BACE2: variants seen among roughly 807,000 people sequenced by gnomAD.
BACE2 encodes 56 kDa aspartic-like protease.
In BACE2, 17 loss-of-function variants were observed where a neutral mutation model predicts 46.2. The observed-to-expected ratio is 0.37, with a 90% confidence interval of 0.25 to 0.55. The LOEUF (loss-of-function observed/expected upper bound fraction) is 0.55. BACE2 is among the 20% of genes least tolerant of loss of function. BACE2 has a pLI of 0.82. For synonymous variants in BACE2, 277 were observed against 295.9 expected (o/e 0.94, Z 0.66); for missense variants, 595 against 698.1 (o/e 0.85, Z 1.66).
intron 1 of BACE2, chr21:41,182,782 A>G (rs942549313): frequency 2.4e-5 from 4 of 167,106 alleles, no homozygotes; most frequent in Non-Finnish European, 4.4e-5. Flanking sequence ...TCTTTCTTAA[A>G]GTTATTTTAC....
intron 3 of BACE2, among the ~76,000 whole-genome samples, chr21:41,241,310 G>T (rs1238233368): frequency 6.6e-6 from 1 of 152,124 alleles, no homozygotes; most frequent in Non-Finnish European, 1.5e-5. Context: ...AGTTCATCTG[G>T]CAGAGCTAAG....
chr21:41,226,389 G>A lies in BACE2; in HGVS notation c.401+35G>A, dbSNP rs138335729. On this transcript the variant is annotated intron_variant, in intron 2 of 8. Coordinates refer to ENST00000330333, the MANE Select transcript of BACE2 (RefSeq NM_012105.5). ...GGCCCCTTGGCTGGTGTGCTGGGCC[G>A]GGGCACTGCATGATCAACATGCTTC... 3,406 of 1,562,784 alleles carry A rather than the reference G, an allele frequency of 2.2e-3. 7 individuals carry two copies. The highest frequency in any genetic ancestry group is 2.6e-3 in the Non-Finnish European group (2,961 of 1,142,706).
intron 6 of BACE2, among the ~76,000 whole-genome samples, chr21:41,249,405 G>A (rs561892437): frequency 1.3e-5 from 2 of 151,744 alleles, no homozygotes; most frequent in Non-Finnish European, 2.9e-5. Flanking sequence ...GGGGACTCAG[G>A]ATTAGTGAGC....
chr21:41,179,437 CGTGTCCAGGGTGAGTGAGG>C, intron 1 of BACE2: 1 of 1,252,778 alleles, frequency 8.0e-7, no homozygotes, highest in Non-Finnish European at 1.0e-6. Context: ...GGTGAGTGAA[CGTGTCCAGGGTGAGTGAGG>C]GTGTCCAGGG....
intron 1 of BACE2, among the ~76,000 whole-genome samples, chr21:41,203,787 G>C (rs1367059430): frequency 6.6e-6 from 1 of 152,170 alleles, no homozygotes; most frequent in Non-Finnish European, 1.5e-5. Context: ...GCCCCAAGGA[G>C]GAGGAGCCTG....
chr21:41,250,825 C>G lies in BACE2; in HGVS notation c.1058C>G (p.Ser353Cys), dbSNP rs748444272. The G allele has an allele frequency of 6.2e-7, 1 of 1,614,176 alleles. No homozygotes were observed. The highest frequency in any genetic ancestry group is 8.5e-7 in the Non-Finnish European group (1 of 1,180,008). ...ACWTNSETPW[S>C]YFPKISIYLR... ...TGGACGAATTCGGAAACACCTTGGT[C>G]TTACTTCCCTAAAATCTCCATCTAC... The change falls in exon 7 of 9, where the codon TCT becomes TGT. Residue 353 changes from serine (S) to cysteine (C), a missense_variant. Ser to Cys is a moderately radical substitution (Grantham distance 112, BLOSUM62 -1). This residue lies in a region of BACE2 where 343 missense variants were observed against 419.4 expected (regional missense o/e 0.82). Coordinates refer to ENST00000330333, the MANE Select transcript of BACE2 (RefSeq NM_012105.5).
chr21:41,222,020 G>C (rs1255092178), intron 1 of BACE2, among the ~76,000 whole-genome samples: 1 of 152,144 alleles, frequency 6.6e-6, no homozygotes, highest in Non-Finnish European at 1.5e-5. Context: ...CCAGGCAGTG[G>C]CTGAGTTGGT....
chr21:41,194,987 T>C (rs1021878889), intron 1 of BACE2, among the ~76,000 whole-genome samples: 3 of 152,192 alleles, frequency 2.0e-5, no homozygotes, highest in African/African-American at 7.2e-5. Flanking sequence ...TAGACTCTGG[T>C]CGTCAGGAAC....
chr21:41,242,974 A>T (rs566801771), intron 4 of BACE2, among the ~76,000 whole-genome samples: 2 of 152,024 alleles, frequency 1.3e-5, no homozygotes, highest in East Asian at 3.9e-4. Context: ...GAGTGCAGTG[A>T]CGCGATCTCA....
intron 2 of BACE2, among the ~76,000 whole-genome samples, chr21:41,228,248 G>T (rs1986875767): frequency 6.6e-6 from 1 of 152,188 alleles, no homozygotes; most frequent in Non-Finnish European, 1.5e-5. Flanking sequence ...TGGCTCCGTG[G>T]TGCTGGTAGA....
intron 3 of BACE2, among the ~76,000 whole-genome samples, chr21:41,239,820 C>T (rs578247920): frequency 1.1e-4 from 16 of 152,254 alleles, no homozygotes; most frequent in South Asian, 2.1e-4. Context: ...TAATTGCAGA[C>T]GCATGAAAAC....
chr21:41,281,691 G>GA lies in BACE2; in HGVS notation c.*6074dup, dbSNP rs1178882674. 4.6e-5 allele frequency: 7 copies of GA among 152,156 alleles called. No individual in the cohort carries two copies. The highest frequency in any genetic ancestry group is 1.7e-4 in the African/African-American group (7 of 41,520). 9.4% of individuals were successfully genotyped at this position (152,156 alleles called of 1,614,324 possible). A position where few individuals can be genotyped will look rare whatever the true frequency, so the allele number is the denominator to read the frequency against. On this transcript the variant is annotated 3_prime_UTR_variant, in exon 9 of 9. Coordinates refer to ENST00000330333, the MANE Select transcript of BACE2 (RefSeq NM_012105.5). ...AAGATTATCTCTTTTTAAGATGGAGGAAAAAAAGTGAACAAAGCTAATTAA... is the reference window on the plus strand; with the variant it reads ...AAGATTATCTCTTTTTAAGATGGAGGAAAAAAAAGTGAACAAAGCTAATTAA...
At chr21:41,247,310 C>A (rs545884651) in intron 6 of BACE2, among the ~76,000 whole-genome samples, 1 of 152,198 alleles carries the variant, frequency 6.6e-6, no homozygotes, top group South Asian at 2.1e-4. Flanking sequence ...GGGCTCTTTT[C>A]GAAGCAGCAG....
chr21:41,187,562 A>G (rs143558211), intron 1 of BACE2, among the ~76,000 whole-genome samples: 73 of 152,310 alleles, frequency 4.8e-4, no homozygotes, highest in African/African-American at 1.8e-3. Flanking sequence ...TGTTCTTTAA[A>G]ATCCTAACCT....
chr21:41,177,517 A>G (rs1043844465), intron 1 of BACE2: 1 of 152,106 alleles, frequency 6.6e-6, no homozygotes, highest in African/African-American at 2.4e-5. Context: ...TCCACCAGTA[A>G]TACCCTTGGG....
At chr21:41,180,188 C>A in intron 1 of BACE2, 1 of 217,792 alleles carries the variant, frequency 4.6e-6, no homozygotes, top group Non-Finnish European at 1.0e-5. Flanking sequence ...TGGGTGCTGC[C>A]AGAGCCATGG....
intron 8 of BACE2, among the ~76,000 whole-genome samples, chr21:41,274,280 A>G (rs1158372612): frequency 6.6e-6 from 1 of 152,208 alleles, no homozygotes; most frequent in African/African-American, 2.4e-5. Flanking sequence ...CACTTTGCAA[A>G]GTAATCAAGC....
At chr21:41,224,267 T>C (rs1986743800) in intron 1 of BACE2, among the ~76,000 whole-genome samples, 2 of 141,932 alleles carry the variant, frequency 1.4e-5, no homozygotes, top group African/African-American at 5.4e-5. Flanking sequence ...CAGGCTGGAA[T>C]GCAGTGGTGC....
At chr21:41,199,020 C>A (rs1327648223) in intron 1 of BACE2, among the ~76,000 whole-genome samples, 1 of 122,890 alleles carries the variant, frequency 8.1e-6, no homozygotes, top group Admixed American at 8.6e-5. Context: ...ATCCCTCCCC[C>A]CTCCCCCCAC....
Sources: gnomAD v4.1 joint callset for allele counts (sites outside exome capture counted in the v4.1 genomes callset) on GRCh38, gnomAD v4.1.1 for gene constraint, gnomAD v4.1.1 regional missense constraint, MANE v1.5 for transcripts, NCBI Gene and HGNC (gene_info 2026-07-23, HGNC 2026-07-21) for gene names.